The following OC90 variants were observed in gnomAD, a reference collection of about 807,000 sequenced individuals.
The protein encoded by OC90 is otoconin 90.
Under a neutral mutation model 47.3 loss-of-function variants are expected in OC90, and 46 were observed. That is an observed-to-expected ratio of 0.97 (90% confidence interval 0.77 to 1.24). OC90 has a LOEUF of 1.24. OC90 is among the 50% of genes most tolerant of loss of function. The pLI is 0.00. For missense variants in OC90, 688 were observed against 583.9 expected (o/e 1.18, Z -1.84); for synonymous variants, 271 against 219.5 (o/e 1.23, Z -2.07).
intron 9 of OC90, chr8:132,036,492 G>A: frequency 1.3e-6 from 1 of 774,676 alleles, no homozygotes; most frequent in South Asian, 1.3e-5. Flanking sequence ...AAACAGATTT[G>A]GGGGCTGAGG....
At chr8:132,030,813 T>C (rs1276078097) in intron 12 of OC90, among the ~76,000 whole-genome samples, 1 of 152,092 alleles carries the variant, frequency 6.6e-6, no homozygotes, top group Non-Finnish European at 1.5e-5. Context: ...GGCTGACAGG[T>C]AGAGGCAGGG....
At chr8:132,042,439 A>T (rs1463944586) in intron 4 of OC90, among the ~76,000 whole-genome samples, 1 of 152,100 alleles carries the variant, frequency 6.6e-6, no homozygotes, top group Non-Finnish European at 1.5e-5. Flanking sequence ...CACATGGGTA[A>T]ATTGATACTG....
At chr8:132,035,497 C>G (rs1008661114) in intron 9 of OC90, among the ~76,000 whole-genome samples, 1 of 152,148 alleles carries the variant, frequency 6.6e-6, no homozygotes, top group Non-Finnish European at 1.5e-5. Context: ...AACCACTAGG[C>G]AGACTATTTC....
chr8:132,058,238 G>A (rs1823301010), intron 1 of OC90, among the ~76,000 whole-genome samples: 1 of 152,222 alleles, frequency 6.6e-6, no homozygotes, highest in Admixed American at 6.5e-5. Context: ...GTGGGATGGT[G>A]TGGGGCTGCT....
chr8:132,027,575 G>T (rs1822778208), intron 13 of OC90, among the ~76,000 whole-genome samples: 1 of 152,212 alleles, frequency 6.6e-6, no homozygotes, highest in Admixed American at 6.5e-5. Context: ...CAAAGCATAA[G>T]GGAAATGCAT....
chr8:132,037,022 A>G (rs1204015121), intron 9 of OC90, among the ~76,000 whole-genome samples: 3 of 152,228 alleles, frequency 2.0e-5, no homozygotes, highest in African/African-American at 7.2e-5. Flanking sequence ...CCTTTCAGGG[A>G]TTAGTGAATG....
intron 1 of OC90, among the ~76,000 whole-genome samples, chr8:132,055,403 A>G (rs1043191249): frequency 6.6e-6 from 1 of 152,194 alleles, no homozygotes; most frequent in Non-Finnish European, 1.5e-5. Flanking sequence ...AGGATTGAGG[A>G]TCCAGGAGTG....
At chr8:132,036,936 G>A (rs1822974241) in intron 9 of OC90, among the ~76,000 whole-genome samples, 1 of 152,224 alleles carries the variant, frequency 6.6e-6, no homozygotes, top group African/African-American at 2.4e-5. Flanking sequence ...CCTGGGAGAA[G>A]ATACTGATCT....
At chr8:132,033,456 T>G (rs1485017726) in intron 10 of OC90, among the ~76,000 whole-genome samples, 4 of 152,170 alleles carry the variant, frequency 2.6e-5, no homozygotes, top group African/African-American at 9.7e-5. Context: ...ATGTTTAGTA[T>G]CACATGCCTG....
chr8:132,033,538 C>T (rs1457849664), intron 10 of OC90, among the ~76,000 whole-genome samples: 1 of 152,288 alleles, frequency 6.6e-6, no homozygotes, highest in East Asian at 1.9e-4. Context: ...ATTAAGGCGA[C>T]TCATGATACA....
In OC90 at chr8:132,038,825, G is replaced by A; in HGVS notation, c.593C>T (p.Thr198Ile). The change falls in exon 8 of 14, where the codon ACC (threonine) becomes ATC (isoleucine). Residue 198 changes from threonine to isoleucine, a missense_variant. Physicochemically the swap from Thr to Ile is moderately conservative, Grantham distance 89. Transcript: ENST00000254627. The part of the protein sequence containing the change: ...SFCLAQTPET[T>I]IKEDLTTLLP... ...AAGTGTTGTCAAGTCTTCCTTGATG[G>A]TTGTCTCTGAAAAGAAAACACTTTG... 6.2e-7 allele frequency: 1 copy of A among 1,613,872 alleles called. No homozygotes were observed.
intron 13 of OC90, among the ~76,000 whole-genome samples, chr8:132,028,724 G>GAC (rs564164299): frequency 7.8e-6 from 1 of 128,864 alleles, no homozygotes; most frequent in Non-Finnish European, 1.7e-5. Context: ...AAGAAAGAAA[G>GAC]AGAAAGAAAG....
At chr8:132,037,358 T>A in intron 9 of OC90, 80 bp downstream of exon 9, 1 of 1,158,822 alleles carries the variant, frequency 8.6e-7, no homozygotes, top group Non-Finnish European at 1.3e-6. Flanking sequence ...TCTTGTGAGA[T>A]CTGGTTGTTT....
chr8:132,039,432 G>A (rs574076424), intron 6 of OC90, among the ~76,000 whole-genome samples: 1 of 152,246 alleles, frequency 6.6e-6, no homozygotes, highest in South Asian at 2.1e-4. Flanking sequence ...CTCGTGCCTG[G>A]TCATGGTAGT....
intron 4 of OC90, among the ~76,000 whole-genome samples, chr8:132,043,582 G>T (rs1823086014): frequency 6.6e-6 from 1 of 152,164 alleles, no homozygotes. Flanking sequence ...CATGCACAGG[G>T]TCACAAGACG....
At chr8:132,042,104 CAACGAAT>C (rs11279947) in intron 4 of OC90, among the ~76,000 whole-genome samples, 93,348 of 151,222 alleles carry the variant, frequency 0.62, 29,261 homozygotes, top group East Asian at 0.74. Context: ...TCTTTTCTAG[CAACGAAT>C]AAAGGCAAGT....
Position 132,039,057 on chromosome 8 carries a change from C to G in OC90, c.524G>C (p.Arg175Pro), listed in dbSNP as rs752717401. Residue 175 changes from arginine to proline, a missense_variant, in exon 7 of 14, where the codon CGA (arginine) becomes CCA (proline). Physicochemically the swap from Arg to Pro is moderately radical, Grantham distance 103 (BLOSUM62 -2). Transcript: ENST00000254627. ...GTTCAGGGAAGAGTTGAGGCTGGAT[C>G]GAGCCAAGCACTCTATGGCAGCCTT... ...CDKAAIECLARSSLNSSLNLL... is the reference protein window; with the variant it reads ...CDKAAIECLAPSSLNSSLNLL... The G allele has an allele frequency of 3.7e-6, 6 of 1,613,694 alleles. No individual in the cohort carries two copies. In the Admixed American group the frequency reaches 8.3e-5, roughly 22 times the overall value.
intron 11 of OC90, among the ~76,000 whole-genome samples, chr8:132,032,316 T>C (rs1822889166): frequency 6.6e-6 from 1 of 152,158 alleles, no homozygotes; most frequent in Non-Finnish European, 1.5e-5. Flanking sequence ...CCTTAAGGGA[T>C]GGAGACTTGT....
intron 1 of OC90, among the ~76,000 whole-genome samples, chr8:132,059,093 CCTT>C (rs1375048562): frequency 2.7e-5 from 4 of 148,384 alleles, no homozygotes; most frequent in Non-Finnish European, 6.0e-5. Flanking sequence ...TCCTTTTCTT[CCTT>C]CATCAATTTC....
Sources: allele counts gnomAD v4.1 joint callset (sites outside exome capture counted in the v4.1 genomes callset), GRCh38; gene constraint gnomAD v4.1.1; transcripts MANE v1.5; gene names NCBI Gene and HGNC (gene_info 2026-07-23, HGNC 2026-07-21).